Variants in PLAGL1 observed in about 807,000 individuals in gnomAD.
PLAGL1 encodes PLAG1 like zinc finger 1.
A neutral mutation model predicts 4.6 loss-of-function variants in PLAGL1; 1 was observed. That is an observed-to-expected ratio of 0.22 (90% CI 0.08 to 1.03). The LOEUF is 1.03. Among genes scored for constraint, PLAGL1 ranks in the 50% least tolerant of loss-of-function variants. PLAGL1 has a pLI of 0.58. For missense variants in PLAGL1, 464 were observed against 570.4 expected, an observed-to-expected ratio of 0.81 and a Z score of 1.90; for synonymous variants, 240 against 237.8, an observed-to-expected ratio of 1.01 and a Z score of -0.08.
rs1798896376 is a variant in PLAGL1 at position 144,055,484 on chromosome 6, C to A, written c.-151+8984G>T. Among the ~76,000 whole-genome samples, 1 of 152,182 alleles carries A rather than the reference C, an allele frequency of 6.6e-6. No individual in the cohort carries two copies. Among genetic ancestry groups the A allele is most frequent in the South Asian group, 2.1e-4 (1 of 4,830 alleles). On this transcript the variant is annotated intron_variant, in intron 1 of 3. Coordinates refer to the PLAGL1 transcript ENST00000437412. The surrounding 1 kb of genome is among the most constrained non-coding windows in gnomAD (Gnocchi z 5.0). ...AAATTGCTTTTGTCCCCAAATCTAG[C>A]TTCTTGTTGCCCTGGGTGCCTCTAT... is the stretch of plus-strand genomic sequence containing the variant.
chr6:143,971,349 A>G lies in PLAGL1; in HGVS notation c.-543-2371T>C, dbSNP rs549199673. On this transcript the variant is annotated intron_variant, in intron 2 of 7. Transcript: ENST00000674357. This position sits in a 1 kb window ranked among gnomAD's most constrained non-coding sequence, Gnocchi z 4.7. Reference sequence around the variant, plus strand: ...AACAGAAGTGCAAATAAGTTTCCTTAAAAATAATCTTGGTAGTGAACATAA... The same window carrying G: ...AACAGAAGTGCAAATAAGTTTCCTTGAAAATAATCTTGGTAGTGAACATAA... Among the ~76,000 whole-genome samples the G allele has an allele frequency of 6.6e-6, 1 of 152,324 alleles. No individual in the cohort carries two copies. Among genetic ancestry groups the G allele is most frequent in the African/African-American group, 2.4e-5 (1 of 41,586 alleles).
rs1322705701 is a variant in PLAGL1, at chr6:143,963,017, CAAT to C, written c.-399+1767_-399+1769del. ...TTTCAGCAAGATGGATCATGGTGAACAATGAGATTATTTCTTTGAAATGAAGCC... is the reference window on the plus strand; with the variant it reads ...TTTCAGCAAGATGGATCATGGTGAACGAGATTATTTCTTTGAAATGAAGCC... On this transcript the variant is annotated intron_variant, in intron 5 of 7. Coordinates refer to ENST00000674357, the MANE Select transcript of PLAGL1 (RefSeq NM_001317162.2). The surrounding 1 kb of genome is among the most constrained non-coding windows in gnomAD (Gnocchi z 6.1). Among the ~76,000 whole-genome samples the C allele has an allele frequency of 6.6e-6, 1 of 152,142 alleles. No homozygotes were observed. Among genetic ancestry groups the C allele is most frequent in the African/African-American group, 2.4e-5 (1 of 41,442 alleles).
At chr6:144,021,171 G>A (rs1312495460) in intron 1 of PLAGL1, among the ~76,000 whole-genome samples, 2 of 152,004 alleles carry the variant, frequency 1.3e-5, no homozygotes, top group African/African-American at 4.8e-5. Flanking sequence ...ACGGGTAAGA[G>A]GTCAAACCTA....
intron 1 of PLAGL1, among the ~76,000 whole-genome samples, chr6:144,033,323 G>C (rs1796971183): frequency 6.6e-6 from 1 of 152,224 alleles, no homozygotes; most frequent in Non-Finnish European, 1.5e-5. Context: ...AAGCCACTAA[G>C]TTTGTAGTAA....
intron 1 of PLAGL1, among the ~76,000 whole-genome samples, chr6:144,017,449 C>T (rs928934725): frequency 1.3e-5 from 2 of 152,218 alleles, no homozygotes; most frequent in Non-Finnish European, 2.9e-5. Context: ...ATGTCCATTT[C>T]TATCTTCAAC....
rs1788405162 is a variant in PLAGL1 at position 143,983,575 on chromosome 6, A to G, written c.-544+1560T>C. On this transcript the variant is annotated intron_variant, in intron 2 of 7. Transcript: ENST00000674357. This position sits in a 1 kb window ranked among gnomAD's most constrained non-coding sequence, Gnocchi z 6.6. ...TACGTTCAGCTGCACTGCTGCAGGCATGGAATCAGCAAACAAAGGCACTGG... is the reference window on the plus strand; with the variant it reads ...TACGTTCAGCTGCACTGCTGCAGGCGTGGAATCAGCAAACAAAGGCACTGG... Among the ~76,000 whole-genome samples, 1 of 152,136 alleles carries G rather than the reference A, an allele frequency of 6.6e-6. No homozygotes were observed. The highest frequency in any genetic ancestry group is 2.4e-5 in the African/African-American group (1 of 41,442).
Position 143,963,832 on chromosome 6 carries a change from CACA to C in PLAGL1, c.-399+952_-399+954del, listed in dbSNP as rs1783881089. Among the ~76,000 whole-genome samples the C allele has an allele frequency of 6.6e-6, 1 of 152,348 alleles. No individual in the cohort carries two copies. The highest frequency in any genetic ancestry group is 2.1e-4 in the South Asian group (1 of 4,832). Reference sequence around the variant, plus strand: ...TATTAGGGCCTCCAAATCAGCATAGCACAACAACTCCAGAATTTTACTTTGTTT... The same window carrying C: ...TATTAGGGCCTCCAAATCAGCATAGCACAACTCCAGAATTTTACTTTGTTT... On this transcript the variant is annotated intron_variant, in intron 5 of 7. Transcript: ENST00000674357. The surrounding 1 kb of genome is among the most constrained non-coding windows in gnomAD (Gnocchi z 6.1).
In PLAGL1 at chr6:144,006,881, G is replaced by C. The variant is rs1427031850; in HGVS notation, c.-584+1209C>G. Reference sequence around the variant, plus strand: ...TGTGTATGTATGAAACTGAGGAGGGGGAGAGAGATTCATAAAGCGAACACC... The same window carrying C: ...TGTGTATGTATGAAACTGAGGAGGGCGAGAGAGATTCATAAAGCGAACACC... On this transcript the variant is annotated intron_variant, in intron 1 of 7. Transcript: ENST00000674357. The surrounding 1 kb of genome is among the most constrained non-coding windows in gnomAD (Gnocchi z 4.3). 3.3e-5 allele frequency: 5 copies of C among 152,092 alleles called. No homozygotes were observed. Among genetic ancestry groups the C allele is most frequent in the Non-Finnish European group, 7.4e-5 (5 of 68,018 alleles). The allele number at this position is 152,092 out of a possible 1,614,324, so 9.4% of individuals were successfully genotyped here.
chr6:143,974,991 A>G (rs1786192680), intron 2 of PLAGL1, among the ~76,000 whole-genome samples: 1 of 152,236 alleles, frequency 6.6e-6, no homozygotes, highest in African/African-American at 2.4e-5. Context: ...ACTGAGAAAC[A>G]TTATCCATTG....
At chr6:143,977,304 G>C (rs1318157684) in intron 2 of PLAGL1, among the ~76,000 whole-genome samples, 1 of 151,884 alleles carries the variant, frequency 6.6e-6, no homozygotes, top group Non-Finnish European at 1.5e-5. Flanking sequence ...TCTTTTTACT[G>C]TCTAGTTTTG....
chr6:143,995,321 A>G lies in PLAGL1; in HGVS notation c.-583-10147T>C, dbSNP rs1791390328. Among the ~76,000 whole-genome samples the G allele has an allele frequency of 6.6e-6, 1 of 152,170 alleles. No individual in the cohort carries two copies. Among genetic ancestry groups the G allele is most frequent in the South Asian group, 2.1e-4 (1 of 4,834 alleles). ...ATGCACGTATCAAGCTACCCTTTTC[A>G]TATCATTCAATAAATGATGCATAAT... On this transcript the variant is annotated intron_variant, in intron 1 of 7. Transcript: ENST00000674357. This position sits in a 1 kb window ranked among gnomAD's most constrained non-coding sequence, Gnocchi z 4.4.
intron 1 of PLAGL1, among the ~76,000 whole-genome samples, chr6:144,051,183 C>A (rs1191167068): frequency 6.6e-6 from 1 of 152,144 alleles, no homozygotes; most frequent in Non-Finnish European, 1.5e-5. Context: ...ATATATCACA[C>A]AATTAAATTA....
chr6:144,056,976 C>T lies in PLAGL1; in HGVS notation c.-151+7492G>A, dbSNP rs80351280. Reference sequence around the variant, plus strand: ...TTTCTTTTTAGTGCTAAATAATGTCCCATTGGCTGGATGAACCACAGTTTG... The same window carrying T: ...TTTCTTTTTAGTGCTAAATAATGTCTCATTGGCTGGATGAACCACAGTTTG... On this transcript the variant is annotated intron_variant, in intron 1 of 3. Coordinates refer to the PLAGL1 transcript ENST00000437412. The surrounding 1 kb of genome is among the most constrained non-coding windows in gnomAD (Gnocchi z 4.7). Among the ~76,000 whole-genome samples the T allele has an allele frequency of 7.0e-3, 1,069 of 152,254 alleles. 7 individuals carry two copies. Among genetic ancestry groups the T allele is most frequent in the Non-Finnish European group, 0.011 (757 of 68,014 alleles).
In PLAGL1 at chr6:144,055,805, C is replaced by T. The variant is rs1157018958; in HGVS notation, c.-151+8663G>A. 6.6e-6 allele frequency among the ~76,000 whole-genome samples: 1 copy of T among 152,150 alleles called. No homozygotes were observed. The highest frequency in any genetic ancestry group is 1.5e-5 in the Non-Finnish European group (1 of 68,008). ...GATAACAAGTCCTGGAAGAAAGAAC[C>T]TCATCCCCATGAACGATACACAGCC... On this transcript the variant is annotated intron_variant, in intron 1 of 3. Coordinates refer to the PLAGL1 transcript ENST00000437412. This position sits in a 1 kb window ranked among gnomAD's most constrained non-coding sequence, Gnocchi z 5.0.
chr6:143,976,285 CTTTTTTT>C (rs58569870), intron 2 of PLAGL1, among the ~76,000 whole-genome samples: 1 of 113,258 alleles, frequency 8.8e-6, no homozygotes, highest in African/African-American at 3.3e-5. Flanking sequence ...GATTTCTTTT[CTTTTTTT>C]TTTTTTTTTT....
In PLAGL1 at chr6:144,022,052, G is replaced by T. The variant is rs557886704; in HGVS notation, c.-151+42416C>A. 6.6e-6 allele frequency among the ~76,000 whole-genome samples: 1 copy of T among 152,316 alleles called. No homozygotes were observed. Among genetic ancestry groups the T allele is most frequent in the Admixed American group, 6.5e-5 (1 of 15,292 alleles). On this transcript the variant is annotated intron_variant, in intron 1 of 3. Coordinates refer to the PLAGL1 transcript ENST00000437412. This position sits in a 1 kb window ranked among gnomAD's most constrained non-coding sequence, Gnocchi z 4.2. ...CTACCTCAGGCAGTTGCAGGGCTTT[G>T]AACCAGAGGCTGAGAATCACCAAAA...
Position 143,979,992 on chromosome 6 carries a change from A to G in PLAGL1, c.-544+5143T>C, listed in dbSNP as rs1323430194. On this transcript the variant is annotated intron_variant, in intron 2 of 7. Coordinates refer to ENST00000674357, the MANE Select transcript of PLAGL1 (RefSeq NM_001317162.2). This position sits in a 1 kb window ranked among gnomAD's most constrained non-coding sequence, Gnocchi z 4.6. ...TTTTTTGAAAGATATTGTCACAACT[A>G]TAGATTTCTAGATTAACAGTTTTAG... is the stretch of plus-strand genomic sequence containing the variant. 6.6e-6 allele frequency among the ~76,000 whole-genome samples: 1 copy of G among 152,116 alleles called. No individual in the cohort carries two copies. The highest frequency in any genetic ancestry group is 1.5e-5 in the Non-Finnish European group (1 of 67,956).
Position 143,987,437 on chromosome 6 carries a change from C to CTTTTTTTTTTTT in PLAGL1, c.-583-2275_-583-2264dup, listed in dbSNP as rs71024883. Among the ~76,000 whole-genome samples, 21 of 73,952 alleles carry CTTTTTTTTTTTT rather than the reference C, an allele frequency of 2.8e-4. 3 individuals are homozygous for CTTTTTTTTTTTT. The highest frequency in any genetic ancestry group is 9.4e-4 in the East Asian group (2 of 2,120). 48.5% of individuals were successfully genotyped at this position (73,952 alleles called of 152,430 possible). A position where few individuals can be genotyped will look rare whatever the true frequency, so the allele number is the denominator to read the frequency against. ...GATCTGGCATGTGCCACCACACTGGCTTTTTTTTTTTTTTTTTTTTTTTGG... is the reference window on the plus strand; with the variant it reads ...GATCTGGCATGTGCCACCACACTGGCTTTTTTTTTTTTTTTTTTTTTTTTTTTTTTTTTTTGG... On this transcript the variant is annotated intron_variant, in intron 1 of 7. Coordinates refer to ENST00000674357, the MANE Select transcript of PLAGL1 (RefSeq NM_001317162.2).
Position 143,961,440 on chromosome 6 carries a change from T to C in PLAGL1, c.-398-898A>G, listed in dbSNP as rs191475708. 6.6e-6 allele frequency: 1 copy of C among 152,340 alleles called. No homozygotes were observed. The highest frequency in any genetic ancestry group is 2.4e-5 in the African/African-American group (1 of 41,594). The allele number at this position is 152,340 out of a possible 1,614,324, so 9.4% of individuals were successfully genotyped here. On this transcript the variant is annotated intron_variant, in intron 5 of 7. Transcript: ENST00000674357. This position sits in a 1 kb window ranked among gnomAD's most constrained non-coding sequence, Gnocchi z 6.5. ...TGCCTATTTTCTTCTGTGAATTTGA[T>C]CAAAAAGGCTATGTCCATTTATTTT... is the stretch of plus-strand genomic sequence containing the variant.
Sources: gnomAD v4.1 joint callset for allele counts (sites outside exome capture counted in the v4.1 genomes callset) on GRCh38, gnomAD v4.1.1 for gene constraint, Gnocchi (gnomAD v3.1) non-coding constraint, MANE v1.5 for transcripts, NCBI Gene and HGNC (gene_info 2026-07-23, HGNC 2026-07-21) for gene names.